The following RHBDF2 variants were observed in gnomAD, a reference collection of about 807,000 sequenced individuals.
RHBDF2 encodes rhomboid 5 homolog 2.
Under a neutral mutation model 95.2 loss-of-function variants are expected in RHBDF2, and 38 were observed. The observed-to-expected ratio is 0.40, with a 90% CI of 0.31 to 0.52. The LOEUF is 0.52. Among genes scored for constraint, RHBDF2 ranks in the 20% least tolerant of loss-of-function variants. The pLI is 0.56. For synonymous variants in RHBDF2, 442 were observed against 462.0 expected (o/e 0.96, Z 0.55); for missense variants, 863 against 1,137.7 (o/e 0.76, Z 3.47).
intron 2 of RHBDF2, 96 bp from the exon 3 acceptor site, chr17:76,481,641 C>T: frequency 8.3e-7 from 1 of 1,209,328 alleles, no homozygotes; most frequent in Non-Finnish European, 1.1e-6. Flanking sequence ...CAAGAACCAA[C>T]TTGCCTAAAG....
At position 76,474,446 on chromosome 17, in the gene RHBDF2, A is replaced by G; in HGVS notation, c.1391T>C (p.Leu464Pro). 1 of 1,614,084 alleles carries G rather than the reference A, an allele frequency of 6.2e-7. No homozygotes were observed. The highest frequency in any genetic ancestry group is 8.5e-7 in the Non-Finnish European group (1 of 1,179,996). ...GACACAGCAGCCTGAGTCCCGCTCC[A>G]GGTCTCGCTCGCGCAGCACCAGCTG... ...IEQLVLRERD[L>P]ERDSGCCVQN... Residue 464 changes from leucine (L) to proline (P), a missense_variant, in exon 12 of 19, where the codon CTG becomes CCG. Leu to Pro is a moderately conservative substitution (Grantham distance 98). Transcript: ENST00000675367.
In RHBDF2 at chr17:76,478,786, T is replaced by C. The variant is rs1240812068; in HGVS notation, c.672+20A>G. ...GGAGGCCGGGCAGAGGTGGGGGCCC[T>C]GCAGGAGGGAGCCCCGCACCTTGAG... is the stretch of plus-strand genomic sequence containing the variant. On this transcript the variant is annotated intron_variant, in intron 6 of 18. Coordinates refer to ENST00000675367, the MANE Select transcript of RHBDF2 (RefSeq NM_001005498.4). 7 of 1,599,210 alleles carry C rather than the reference T, an allele frequency of 4.4e-6. No individual in the cohort carries two copies. Among genetic ancestry groups the C allele is most frequent in the South Asian group, 1.1e-5 (1 of 89,360 alleles).
chr17:76,500,262 C>A (rs72860902), intron 1 of RHBDF2, among the ~76,000 whole-genome samples: 25,912 of 152,012 alleles, frequency 0.17, 2,517 homozygotes, highest in East Asian at 0.3. Flanking sequence ...GGCCTCTACC[C>A]ACTACCTGCC....
Position 76,476,989 on chromosome 17 carries a change from C to T in RHBDF2, c.956G>A (p.Arg319Gln), listed in dbSNP as rs149436907. 8.4e-5 allele frequency: 136 copies of T among 1,613,758 alleles called. No individual in the cohort carries two copies. The African/African-American group carries it at 1.5e-3, about 18-fold the overall frequency. Residue 319 changes from arginine (R) to glutamine (Q), a missense_variant, in exon 9 of 19, where the codon CGG becomes CAG. Physicochemically the swap from Arg to Gln is conservative, Grantham distance 43 (BLOSUM62 1). Transcript: ENST00000675367. ...EYGRAPVPGP[R>Q]RGKRIASKVK... ...CTTGGAGGCGATGCGCTTGCCGCGC[C>T]GGGGCCCGGGGACTGGGGCTCGGCC...
chr17:76,484,547 A>C (rs2074065945), intron 2 of RHBDF2, among the ~76,000 whole-genome samples: 2 of 149,320 alleles, frequency 1.3e-5, no homozygotes, highest in Non-Finnish European at 3.0e-5. Flanking sequence ...GGCTCACTCC[A>C]CTCTCTCAAT....
intron 1 of RHBDF2, among the ~76,000 whole-genome samples, chr17:76,489,354 C>T (rs185979607): frequency 0.021 from 2,973 of 143,650 alleles, 86 homozygotes; most frequent in South Asian, 0.13. Flanking sequence ...GATGGAGTCT[C>T]GCTCTGTAGC....
At chr17:76,493,592 T>TA (rs1239980669) in intron 1 of RHBDF2, among the ~76,000 whole-genome samples, 2 of 151,768 alleles carry the variant, frequency 1.3e-5, no homozygotes, top group Admixed American at 6.6e-5. Context: ...CCGGCAGAGT[T>TA]AGCAGAGGGG....
rs1458421890 is a variant in RHBDF2 at position 76,479,455 on chromosome 17, C to A, written c.273-178G>T. On this transcript the variant is annotated intron_variant, in intron 4 of 18. Coordinates refer to ENST00000675367, the MANE Select transcript of RHBDF2 (RefSeq NM_001005498.4). ...CCAGATGAGCAGAAGCAGGGGATGA[C>A]GGGAGCGTGAGGAGCCAGGCTAGGG... 3 of 981,786 alleles carry A rather than the reference C, an allele frequency of 3.1e-6. No individual in the cohort carries two copies. In the African/African-American group the frequency reaches 4.8e-5, roughly 16 times the overall value. The allele number at this position is 981,786 out of a possible 1,614,324, so 60.8% of individuals were successfully genotyped here.
At chr17:76,488,183 A>G (rs769416175) in intron 1 of RHBDF2, 1 of 152,202 alleles carries the variant, frequency 6.6e-6, no homozygotes, top group Non-Finnish European at 1.5e-5. Flanking sequence ...ATTTTTCTCA[A>G]TATTACTTGA....
intron 4 of RHBDF2, 132 bp from the exon 5 acceptor site, chr17:76,479,409 C>G (rs779088001): frequency 8.5e-5 from 112 of 1,316,840 alleles, no homozygotes; most frequent in Non-Finnish European, 1.1e-4. Context: ...GCCTGTGAGG[C>G]CCCTGGCTGG....
chr17:76,497,879 T>C (rs1197006903), intron 1 of RHBDF2, among the ~76,000 whole-genome samples: 1 of 152,032 alleles, frequency 6.6e-6, no homozygotes, highest in Admixed American at 6.6e-5. Flanking sequence ...GGTCACAAGG[T>C]TCCCCTCACA....
chr17:76,491,533 G>A (rs62085058), intron 1 of RHBDF2, among the ~76,000 whole-genome samples: 14,366 of 152,266 alleles, frequency 0.094, 905 homozygotes, highest in Middle Eastern at 0.17. Flanking sequence ...CATCGGGAGT[G>A]CCATCTGAAC....
intron 9 of RHBDF2, 63 bp from the exon 10 acceptor site, chr17:76,475,204 C>T: frequency 8.0e-7 from 1 of 1,243,600 alleles, no homozygotes; most frequent in South Asian, 1.3e-5. Flanking sequence ...GTCCCGGCCA[C>T]AGGGCCACCC....
intron 1 of RHBDF2, among the ~76,000 whole-genome samples, chr17:76,490,911 T>A (rs1026728912): frequency 6.6e-6 from 1 of 152,096 alleles, no homozygotes; most frequent in Non-Finnish European, 1.5e-5. Context: ...TTTACCTACA[T>A]GTAGGAGTCC....
chr17:76,477,847 C>A, intron 6 of RHBDF2, 62 bp from the exon 7 acceptor site: 1 of 1,584,722 alleles, frequency 6.3e-7, no homozygotes, highest in South Asian at 1.1e-5. Flanking sequence ...CCCCCAGCCC[C>A]AACACCGAAG....
chr17:76,491,194 C>G (rs995031041), intron 1 of RHBDF2, among the ~76,000 whole-genome samples: 2 of 148,786 alleles, frequency 1.3e-5, no homozygotes, highest in South Asian at 2.1e-4. Flanking sequence ...TAGTGGACCT[C>G]CCCACTAGAC....
rs1457463254 is a variant in RHBDF2 at position 76,475,554 on chromosome 17, C to T, written c.1116-413G>A. ...CCTCTCTATCCTCCTCCGGGACACC[C>T]ACCACACCTATCATTGCTTGTTCTT... On this transcript the variant is annotated intron_variant, in intron 9 of 18. Transcript: ENST00000675367. Among the ~76,000 whole-genome samples the T allele has an allele frequency of 2.0e-5, 3 of 152,088 alleles. No homozygotes were observed. The South Asian group carries it at 6.2e-4, about 32-fold the overall frequency.
Position 76,473,333 on chromosome 17 carries a change from G to A in RHBDF2, c.1734-6C>T, listed in dbSNP as rs371635375. Reference sequence around the variant, plus strand: ...CCCGGGTGGTGATCTCACAGCTAAGGGGGTGGTGAGGCAAGAGGGGACATC... The same window carrying A: ...CCCGGGTGGTGATCTCACAGCTAAGAGGGTGGTGAGGCAAGAGGGGACATC... On this transcript the variant is annotated splice_region_variant and splice_polypyrimidine_tract_variant and intron_variant, in intron 15 of 18. Coordinates refer to ENST00000675367, the MANE Select transcript of RHBDF2 (RefSeq NM_001005498.4). 6.2e-7 allele frequency: 1 copy of A among 1,608,692 alleles called. No homozygotes were observed. Among genetic ancestry groups the A allele is most frequent in the Non-Finnish European group, 8.5e-7 (1 of 1,177,210 alleles).
chr17:76,489,795 T>C (rs962877101), intron 1 of RHBDF2, among the ~76,000 whole-genome samples: 3 of 152,234 alleles, frequency 2.0e-5, no homozygotes, highest in Non-Finnish European at 4.4e-5. Context: ...TTAGCGTCTC[T>C]TCCATTCTGT....
Sources: gnomAD v4.1 joint callset for allele counts (sites outside exome capture counted in the v4.1 genomes callset) on GRCh38, gnomAD v4.1.1 for gene constraint, MANE v1.5 for transcripts, NCBI Gene and HGNC (gene_info 2026-07-23, HGNC 2026-07-21) for gene names.